Variants in SYT1 observed in about 807,000 individuals in gnomAD.
SYT1 encodes the protein synaptotagmin-1.
SYT1 carries 8 observed loss-of-function variants against 44.8 expected under a neutral mutation model. The observed-to-expected ratio is 0.18, with a 90% CI of 0.10 to 0.32. The LOEUF (loss-of-function observed/expected upper bound fraction) is 0.32. Ranked by LOEUF, SYT1 falls within the 10% of genes least tolerant of loss-of-function variation. The probability of loss-of-function intolerance (pLI) is 1.00; values close to 1 mark genes in which losing one functional copy is unlikely to be tolerated. For missense variants in SYT1, 286 were observed against 509.3 expected, an observed-to-expected ratio of 0.56 and a Z score of 4.22; for synonymous variants, 154 against 188.8, an observed-to-expected ratio of 0.82 and a Z score of 1.51.
chr12:78,912,926 C>T (rs1315583311), intron 1 of SYT1, among the ~76,000 whole-genome samples: 5 of 151,852 alleles, frequency 3.3e-5, no homozygotes, highest in African/African-American at 9.7e-5. Context: ...ATATGTTACA[C>T]ATCTATTAGA....
chr12:79,253,511 C>CTG (rs1233927779), intron 4 of SYT1, among the ~76,000 whole-genome samples: 1 of 151,726 alleles, frequency 6.6e-6, no homozygotes, highest in African/African-American at 2.4e-5. Flanking sequence ...CTCTCTCTCT[C>CTG]TCTCTCTCTC....
At chr12:79,064,362 G>A (rs1008906984) in intron 3 of SYT1, among the ~76,000 whole-genome samples, 4 of 152,086 alleles carry the variant, frequency 2.6e-5, no homozygotes, top group African/African-American at 7.2e-5. Context: ...TTTACTTTCA[G>A]CAAAGAAATT....
At chr12:78,869,323 A>C (rs1038949211) in intron 1 of SYT1, among the ~76,000 whole-genome samples, 1 of 151,988 alleles carries the variant, frequency 6.6e-6, no homozygotes, top group Non-Finnish European at 1.5e-5. Context: ...GTATGTGAAC[A>C]TCACTCCATT....
intron 2 of SYT1, among the ~76,000 whole-genome samples, chr12:79,040,094 T>C (rs887243765): frequency 6.6e-6 from 1 of 152,196 alleles, no homozygotes; most frequent in African/African-American, 2.4e-5. Context: ...CGGGTGCATG[T>C]GTCTTTATAG....
At chr12:79,367,748 T>C (rs992648309) in intron 9 of SYT1, among the ~76,000 whole-genome samples, 1 of 152,038 alleles carries the variant, frequency 6.6e-6, no homozygotes, top group African/African-American at 2.4e-5. Context: ...GATGAATTGC[T>C]CCACTTGCCG....
At chr12:79,249,715 G>T (rs1337965994) in intron 4 of SYT1, among the ~76,000 whole-genome samples, 1 of 152,176 alleles carries the variant, frequency 6.6e-6, no homozygotes, top group Non-Finnish European at 1.5e-5. Context: ...CAGCCTTGGT[G>T]ATGACTTTAC....
chr12:79,380,009 AT>A (rs770567708), intron 9 of SYT1, among the ~76,000 whole-genome samples: 5 of 152,130 alleles, frequency 3.3e-5, no homozygotes, highest in Non-Finnish European at 1.5e-5. Context: ...ATCTTTTCTG[AT>A]TTGTGGCTCT....
chr12:79,256,620 G>T (rs994333091), intron 4 of SYT1, among the ~76,000 whole-genome samples: 3 of 151,508 alleles, frequency 2.0e-5, no homozygotes, highest in Admixed American at 1.3e-4. Flanking sequence ...TTTAAAAGGG[G>T]TTGGTCAATA....
intron 2 of SYT1, among the ~76,000 whole-genome samples, chr12:79,025,993 A>G (rs36000883): frequency 7.0e-4 from 106 of 151,816 alleles, no homozygotes; most frequent in Admixed American, 1.6e-3. Flanking sequence ...GAAAATAGAT[A>G]TTTAAAAAGA....
chr12:79,119,958 C>T (rs972047959), intron 3 of SYT1, among the ~76,000 whole-genome samples: 1 of 152,072 alleles, frequency 6.6e-6, no homozygotes, highest in Admixed American at 6.6e-5. Context: ...GTGAAGGTCC[C>T]AGCTGCCTCC....
intron 8 of SYT1, among the ~76,000 whole-genome samples, chr12:79,303,968 G>A (rs1469049489): frequency 6.6e-6 from 1 of 152,102 alleles, no homozygotes; most frequent in Non-Finnish European, 1.5e-5. Context: ...CCTTATAAAA[G>A]GTTAATTGTT....
intron 2 of SYT1, among the ~76,000 whole-genome samples, chr12:79,043,821 G>C (rs1180003601): frequency 6.6e-6 from 1 of 152,102 alleles, no homozygotes; most frequent in Non-Finnish European, 1.5e-5. Flanking sequence ...GGGCGGGCCT[G>C]GTGGTGACAA....
chr12:78,924,834 A>G (rs1877213000), intron 1 of SYT1, among the ~76,000 whole-genome samples: 1 of 151,296 alleles, frequency 6.6e-6, no homozygotes, highest in Non-Finnish European at 1.5e-5. Context: ...TTCCCTCACT[A>G]GCCCTGGAAT....
intron 1 of SYT1, among the ~76,000 whole-genome samples, chr12:78,971,984 T>C (rs1868414177): frequency 6.6e-6 from 1 of 152,130 alleles, no homozygotes; most frequent in Non-Finnish European, 1.5e-5. Context: ...CTTCTAGGAA[T>C]TAAAGTTCCT....
intron 3 of SYT1, among the ~76,000 whole-genome samples, chr12:79,187,215 T>C (rs1872852666): frequency 2.0e-5 from 3 of 152,024 alleles, no homozygotes; most frequent in African/African-American, 7.2e-5. Context: ...CAGCGAAGAA[T>C]AAAAAGATAT....
chr12:79,386,690 T>C (rs979094020), intron 9 of SYT1, among the ~76,000 whole-genome samples: 4 of 152,248 alleles, frequency 2.6e-5, no homozygotes, highest in Admixed American at 2.6e-4. Flanking sequence ...ACACACCTAT[T>C]AGAACCATAA....
At chr12:79,368,118 A>G (rs933930125) in intron 9 of SYT1, among the ~76,000 whole-genome samples, 1 of 141,506 alleles carries the variant, frequency 7.1e-6, no homozygotes, top group Admixed American at 7.8e-5. Context: ...TCATTGTTCA[A>G]TTCCCACCTA....
chr12:79,224,373 T>C (rs1341266706), intron 4 of SYT1, among the ~76,000 whole-genome samples: 1 of 151,998 alleles, frequency 6.6e-6, no homozygotes, highest in Non-Finnish European at 1.5e-5. Flanking sequence ...AATATAATAG[T>C]GTAAATGTAA....
chr12:79,205,230 A>G (rs978817503), intron 3 of SYT1, among the ~76,000 whole-genome samples: 58 of 152,090 alleles, frequency 3.8e-4, no homozygotes, highest in Admixed American at 2.0e-3. Context: ...CCAAAGTGCT[A>G]GGATTACAGG....
Sources: allele counts gnomAD v4.1 joint callset (sites outside exome capture counted in the v4.1 genomes callset), GRCh38; gene constraint gnomAD v4.1.1; transcripts MANE v1.5; gene names NCBI Gene and HGNC (gene_info 2026-07-23, HGNC 2026-07-21).